The following EYS variants were observed in gnomAD, a reference collection of about 807,000 sequenced individuals.
The protein encoded by EYS is EGF-like photoreceptor maintenance factor.
In EYS, 250 loss-of-function variants were observed where a neutral mutation model predicts 282.1. The observed-to-expected ratio is 0.89, with a 90% CI of 0.80 to 0.98. The LOEUF (loss-of-function observed/expected upper bound fraction) is 0.98. Ranked by LOEUF, EYS falls within the 50% of genes least tolerant of loss-of-function variation. EYS has a pLI of 0.00. For missense variants in EYS, 4,016 were observed against 3,709.0 expected, an observed-to-expected ratio of 1.08 and a Z score of -2.15; for synonymous variants, 1,355 against 1,282.9, an observed-to-expected ratio of 1.06 and a Z score of -1.20.
intron 2 of EYS, among the ~76,000 whole-genome samples, chr6:65,615,891 A>G (rs768888484): frequency 3.9e-5 from 6 of 151,908 alleles, no homozygotes; most frequent in South Asian, 2.1e-4. Context: ...CTGAGATCGC[A>G]CCACTGCACT....
chr6:65,077,163 A>G lies in EYS; in HGVS notation c.2024-19436T>C, dbSNP rs796853546. Among the ~76,000 whole-genome samples, 27 of 152,190 alleles carry G rather than the reference A, an allele frequency of 1.8e-4. 1 individual carries two copies. Among genetic ancestry groups the G allele is most frequent in the Admixed American group, 4.6e-4 (7 of 15,244 alleles). ...GCCTGATGTACTGCTACGAGACAGG[A>G]TCTATTAGCCCTAAGGTTGAGTGTG... On this transcript the variant is annotated intron_variant, in intron 12 of 42. Transcript: ENST00000503581.
intron 22 of EYS, among the ~76,000 whole-genome samples, chr6:64,678,395 T>A (rs1012157335): frequency 6.6e-6 from 1 of 151,944 alleles, no homozygotes; most frequent in Non-Finnish European, 1.5e-5. Flanking sequence ...CTGGCCAACA[T>A]GGCGAAACCC....
At chr6:64,850,362 G>T (rs929007292) in intron 19 of EYS, among the ~76,000 whole-genome samples, 1 of 152,040 alleles carries the variant, frequency 6.6e-6, no homozygotes, top group African/African-American at 2.4e-5. Flanking sequence ...AGCATTTGTA[G>T]AAACTCCATT....
intron 12 of EYS, among the ~76,000 whole-genome samples, chr6:65,248,717 G>A (rs758190230): frequency 2.0e-5 from 3 of 151,942 alleles, no homozygotes; most frequent in Admixed American, 6.6e-5. Context: ...TTAGGGTGAC[G>A]TATATTCAAG....
chr6:64,420,163 T>C (rs2150450531), intron 28 of EYS, among the ~76,000 whole-genome samples: 1 of 152,206 alleles, frequency 6.6e-6, no homozygotes, highest in South Asian at 2.1e-4. Flanking sequence ...CTCAACACCA[T>C]GTGGAAACTG....
intron 31 of EYS, among the ~76,000 whole-genome samples, chr6:64,158,420 A>T (rs1488071477): frequency 6.6e-6 from 1 of 152,202 alleles, no homozygotes; most frequent in East Asian, 1.9e-4. Flanking sequence ...TACAAAGAAA[A>T]CTAAATTGTT....
intron 11 of EYS, chr6:65,330,033 A>G (rs2150310375): frequency 1.0e-6 from 1 of 984,534 alleles, no homozygotes; most frequent in Non-Finnish European, 1.2e-6. Flanking sequence ...CCAGAAAGAA[A>G]GCCAGAAGAC....
At chr6:65,099,372 T>C (rs575433850) in intron 12 of EYS, among the ~76,000 whole-genome samples, 10 of 150,986 alleles carry the variant, frequency 6.6e-5, no homozygotes, top group Admixed American at 1.3e-4. Context: ...ATATTGAGAT[T>C]CATTCTTTGA....
intron 12 of EYS, among the ~76,000 whole-genome samples, chr6:65,227,272 G>A (rs1766652650): frequency 6.6e-6 from 1 of 152,084 alleles, no homozygotes; most frequent in African/African-American, 2.4e-5. Context: ...TCCAGAGTAT[G>A]CAAATTCAGA....
intron 22 of EYS, among the ~76,000 whole-genome samples, chr6:64,759,318 CACT>C (rs1342186533): frequency 2.6e-5 from 4 of 152,152 alleles, no homozygotes; most frequent in African/African-American, 9.7e-5. Flanking sequence ...TGACATGATA[CACT>C]ACTTATCACC....
intron 22 of EYS, among the ~76,000 whole-genome samples, chr6:64,767,901 G>A (rs991185286): frequency 6.6e-6 from 1 of 152,020 alleles, no homozygotes; most frequent in Admixed American, 6.6e-5. Flanking sequence ...ATTTCCATGA[G>A]TGGTGTATGA....
chr6:65,556,758 A>C (rs1768823854), intron 2 of EYS, among the ~76,000 whole-genome samples: 1 of 152,082 alleles, frequency 6.6e-6, no homozygotes, highest in Non-Finnish European at 1.5e-5. Flanking sequence ...ACCTTGACTT[A>C]ATTTTGCAAC....
intron 12 of EYS, among the ~76,000 whole-genome samples, chr6:65,267,935 T>C (rs189224376): frequency 3.2e-4 from 48 of 151,810 alleles, no homozygotes; most frequent in African/African-American, 1.1e-3. Flanking sequence ...AATGTGTGTC[T>C]CACTATCTCT....
rs540922082 is a variant in EYS at position 64,666,170 on chromosome 6, T to C, written c.3444-39925A>G. On this transcript the variant is annotated intron_variant, in intron 22 of 42. Coordinates refer to ENST00000503581, the MANE Select transcript of EYS (RefSeq NM_001142800.2). The stretch of plus-strand genomic sequence containing the variant: ...GCTTAATACCTGGCTGATGAAATAA[T>C]ATGTACAGCAAATCACTGTGATGTG... 7.9e-5 allele frequency among the ~76,000 whole-genome samples: 12 copies of C among 152,286 alleles called. No homozygotes were observed. The South Asian group carries it at 2.3e-3, about 29-fold the overall frequency.
chr6:65,396,499 A>G (rs1187226033), intron 7 of EYS, among the ~76,000 whole-genome samples: 1 of 151,810 alleles, frequency 6.6e-6, no homozygotes, highest in Non-Finnish European at 1.5e-5. Flanking sequence ...TTTTACTTCT[A>G]TAATCACTAA....
chr6:64,524,293 A>C (rs550322558), intron 26 of EYS, among the ~76,000 whole-genome samples: 1 of 151,932 alleles, frequency 6.6e-6, no homozygotes, highest in Non-Finnish European at 1.5e-5. Context: ...CTATAAATTT[A>C]AAATCCATTC....
intron 5 of EYS, among the ~76,000 whole-genome samples, chr6:65,423,761 A>G (rs1767554883): frequency 6.6e-6 from 1 of 151,930 alleles, no homozygotes; most frequent in Non-Finnish European, 1.5e-5. Flanking sequence ...TATTATCTTC[A>G]GGGAGCCCGC....
rs572301590 is a variant in EYS, at chr6:64,251,496, G to C, written c.6192-20672C>G. ...GATTCACTTCAAAGAAGAAGAGTGT[G>C]ACTCTAGTATACTGAGGCACAGTAC... On this transcript the variant is annotated intron_variant, in intron 30 of 42. Transcript: ENST00000503581. 1.2e-4 allele frequency among the ~76,000 whole-genome samples: 18 copies of C among 152,162 alleles called. No homozygotes were observed. In the South Asian group the frequency reaches 3.7e-3, roughly 32 times the overall value.
chr6:63,916,311 C>T (rs2780943), intron 35 of EYS, among the ~76,000 whole-genome samples: 107,750 of 152,090 alleles, frequency 0.71, 38,297 homozygotes, highest in Non-Finnish European at 0.73. Context: ...AACTTCTCTC[C>T]GAAGTGGCTG....
Sources: allele counts gnomAD v4.1 joint callset (sites outside exome capture counted in the v4.1 genomes callset), GRCh38; gene constraint gnomAD v4.1.1; transcripts MANE v1.5; gene names NCBI Gene and HGNC (gene_info 2026-07-23, HGNC 2026-07-21).